The following CNTN1 variants were observed in gnomAD, a reference collection of about 807,000 sequenced individuals.
CNTN1 encodes contactin-1.
Under a neutral mutation model 126.4 loss-of-function variants are expected in CNTN1, and 38 were observed. The observed-to-expected ratio is 0.30, with a 90% CI of 0.23 to 0.39. The LOEUF (loss-of-function observed/expected upper bound fraction) is 0.39, where lower values mean the gene tolerates loss of function less well. CNTN1 is among the 10% of genes least tolerant of loss of function. CNTN1 has a pLI of 1.00. For missense variants in CNTN1, 1,009 were observed against 1,248.4 expected, an observed-to-expected ratio of 0.81 and a Z score of 2.89; for synonymous variants, 413 against 422.6, an observed-to-expected ratio of 0.98 and a Z score of 0.28.
chr12:41,032,037 A>G (rs1290722841), intron 23 of CNTN1, among the ~76,000 whole-genome samples: 1 of 152,108 alleles, frequency 6.6e-6, no homozygotes, highest in Non-Finnish European at 1.5e-5. Context: ...CTGTTTGTTC[A>G]TTCATTCATT....
chr12:40,971,192 C>T (rs1030282194), intron 15 of CNTN1, among the ~76,000 whole-genome samples: 11 of 152,116 alleles, frequency 7.2e-5, no homozygotes, highest in African/African-American at 2.2e-4. Flanking sequence ...TCAGTTACAA[C>T]GCTTGCTCCT....
At chr12:41,008,023 C>A (rs186835907) in intron 17 of CNTN1, among the ~76,000 whole-genome samples, 2 of 152,144 alleles carry the variant, frequency 1.3e-5, no homozygotes, top group Admixed American at 6.5e-5. Context: ...ATCGTTCCCC[C>A]CTCTGGAGTG....
intron 1 of CNTN1, among the ~76,000 whole-genome samples, chr12:40,780,811 G>T (rs920796438): frequency 3.3e-5 from 5 of 150,828 alleles, no homozygotes; most frequent in African/African-American, 1.2e-4. Flanking sequence ...TTTTTCAGAG[G>T]TTCAGGGTTT....
chr12:40,813,035 T>C (rs11178511), intron 1 of CNTN1, among the ~76,000 whole-genome samples: 1,107 of 67,232 alleles, frequency 0.016, 15 homozygotes, highest in African/African-American at 0.041. Context: ...TTTCTCTTTC[T>C]TTCCTTTCTT....
At chr12:40,698,621 C>G (rs1941513597) in intron 1 of CNTN1, among the ~76,000 whole-genome samples, 1 of 152,078 alleles carries the variant, frequency 6.6e-6, no homozygotes, top group Non-Finnish European at 1.5e-5. Flanking sequence ...TTTCATTCTC[C>G]TCCCTCATAG....
intron 23 of CNTN1, among the ~76,000 whole-genome samples, chr12:41,048,450 G>A (rs1949594448): frequency 6.6e-6 from 1 of 152,028 alleles, no homozygotes; most frequent in South Asian, 2.1e-4. Flanking sequence ...ACGCCCATGT[G>A]ACCTGCCTTT....
At chr12:40,922,501 G>A (rs1945479566) in intron 5 of CNTN1, 73 bp downstream of exon 5, 1 of 1,415,282 alleles carries the variant, frequency 7.1e-7, no homozygotes, top group Non-Finnish European at 9.9e-7. Context: ...AATCAGGAAA[G>A]GATAGTGAGA....
intron 1 of CNTN1, among the ~76,000 whole-genome samples, chr12:40,761,884 G>A (rs1437687753): frequency 1.3e-5 from 2 of 152,104 alleles, no homozygotes; most frequent in Non-Finnish European, 2.9e-5. Context: ...GAATGGCAAT[G>A]CAGGATAACT....
At chr12:40,900,303 A>T (rs147511024) in intron 1 of CNTN1, among the ~76,000 whole-genome samples, 85 of 152,326 alleles carry the variant, frequency 5.6e-4, no homozygotes, top group Admixed American at 1.1e-3. Flanking sequence ...TTACTGGGAT[A>T]ATTTAAGCCC....
chr12:40,825,148 A>G (rs892325395), intron 1 of CNTN1, among the ~76,000 whole-genome samples: 2 of 152,138 alleles, frequency 1.3e-5, no homozygotes, highest in Non-Finnish European at 2.9e-5. Flanking sequence ...TGAATGGGCT[A>G]TGTTAGAGAG....
chr12:41,013,080 A>G (rs1948701593), intron 17 of CNTN1, among the ~76,000 whole-genome samples: 1 of 152,116 alleles, frequency 6.6e-6, no homozygotes, highest in Non-Finnish European at 1.5e-5. Context: ...TGGATTTTAT[A>G]GTCAGGTTTG....
chr12:40,836,079 TACATATACAGGTATATATATAC>T (rs1942043082), intron 1 of CNTN1, among the ~76,000 whole-genome samples: 3 of 105,972 alleles, frequency 2.8e-5, no homozygotes, highest in Non-Finnish European at 6.5e-5. Flanking sequence ...TATATATACG[TACATATACAGGTATATATATAC>T]GTACATATAC....
chr12:41,016,649 T>C (rs779500813), intron 18 of CNTN1, 33 bp from the exon 19 acceptor site: 117 of 1,435,790 alleles, frequency 8.1e-5, no homozygotes, highest in Non-Finnish European at 1.1e-4. Flanking sequence ...CCTGTATTAC[T>C]AAAACCTACT....
chr12:40,903,429 A>G (rs1278576207), intron 1 of CNTN1, among the ~76,000 whole-genome samples: 2 of 146,982 alleles, frequency 1.4e-5, no homozygotes, highest in Admixed American at 6.9e-5. Context: ...ATTTTTTGCA[A>G]CACTTTCAGG....
chr12:41,041,315 G>A (rs908018296), intron 23 of CNTN1, among the ~76,000 whole-genome samples: 4 of 152,142 alleles, frequency 2.6e-5, no homozygotes, highest in Non-Finnish European at 4.4e-5. Flanking sequence ...GATTTGACTT[G>A]CCAGTATTTT....
intron 1 of CNTN1, among the ~76,000 whole-genome samples, chr12:40,905,799 T>C (rs950231885): frequency 2.0e-5 from 3 of 152,184 alleles, no homozygotes; most frequent in Non-Finnish European, 4.4e-5. Flanking sequence ...AATTAGAAAC[T>C]ATCAGGACAA....
intron 1 of CNTN1, among the ~76,000 whole-genome samples, chr12:40,756,778 C>T (rs1040633929): frequency 6.6e-6 from 1 of 152,116 alleles, no homozygotes; most frequent in African/African-American, 2.4e-5. Context: ...TCATTCTCTG[C>T]TTTGTTGCTT....
chr12:40,844,095 TC>T, intron 1 of CNTN1, among the ~76,000 whole-genome samples: 1 of 144,204 alleles, frequency 6.9e-6, no homozygotes, highest in South Asian at 2.2e-4. Flanking sequence ...TGAGACGGAG[TC>T]TCACTGTGTC....
intron 15 of CNTN1, among the ~76,000 whole-genome samples, chr12:40,961,625 C>T (rs951418382): frequency 5.3e-5 from 8 of 151,726 alleles, no homozygotes; most frequent in African/African-American, 1.7e-4. Flanking sequence ...GTACATTTTC[C>T]TGGGAAAATG....
Sources: gnomAD v4.1 joint callset for allele counts (sites outside exome capture counted in the v4.1 genomes callset) on GRCh38, gnomAD v4.1.1 for gene constraint, MANE v1.5 for transcripts, NCBI Gene and HGNC (gene_info 2026-07-23, HGNC 2026-07-21) for gene names.